The following NIPAL3 variants were observed in gnomAD, a reference collection of about 807,000 sequenced individuals.
NIPAL3 encodes the protein NIPA like domain containing 3.
Under a neutral mutation model 47.2 loss-of-function variants are expected in NIPAL3, and 41 were observed. The ratio of observed to expected loss-of-function variants is 0.87; its 90% CI spans 0.68 to 1.13. The LOEUF (loss-of-function observed/expected upper bound fraction) is 1.13, where lower values mean the gene tolerates loss of function less well. Among genes scored for constraint, NIPAL3 ranks in the 50% most tolerant of loss-of-function variants. The pLI is 0.00. For missense variants in NIPAL3, 449 were observed against 530.1 expected, an observed-to-expected ratio of 0.85 and a Z score of 1.50; for synonymous variants, 194 against 209.6, an observed-to-expected ratio of 0.93 and a Z score of 0.64.
intron 8 of NIPAL3, chr1:24,457,726 C>T (rs768863668): frequency 1.9e-6 from 1 of 533,014 alleles, no homozygotes; most frequent in South Asian, 1.4e-5. Context: ...CTTCTGTCGC[C>T]TACTCAGCTT....
rs753521923 is a variant in NIPAL3, at chr1:24,453,545, G to A, written c.637+41G>A. 48 of 1,484,656 alleles carry A rather than the reference G, an allele frequency of 3.2e-5. No homozygotes were observed. In the African/African-American group the frequency reaches 6.1e-4, roughly 19 times the overall value. The allele number at this position is 1,484,656 out of a possible 1,614,324, so 92.0% of individuals were successfully genotyped here. On this transcript the variant is annotated intron_variant, in intron 7 of 11. Coordinates refer to ENST00000374399, the MANE Select transcript of NIPAL3 (RefSeq NM_020448.5). ...GATGATTGAGTTTTGCCACCACCAA[G>A]AAGCACCAAATGGAAATGTGGGTTT...
At chr1:24,441,946 C>G (rs1234124483) in intron 3 of NIPAL3, 109 bp from the exon 4 acceptor site, 2 of 1,138,134 alleles carry the variant, frequency 1.8e-6, no homozygotes, top group African/African-American at 3.1e-5. Context: ...AAGAACCTGA[C>G]AAGTCTTCCC....
chr1:24,437,505 G>A (rs1217926407), intron 2 of NIPAL3, among the ~76,000 whole-genome samples: 1 of 152,170 alleles, frequency 6.6e-6, no homozygotes, highest in Non-Finnish European at 1.5e-5. Flanking sequence ...ACAAAGTGCT[G>A]ATTCTGTTGA....
At chr1:24,452,446 A>C (rs571418367) in intron 6 of NIPAL3, among the ~76,000 whole-genome samples, 16 of 152,182 alleles carry the variant, frequency 1.1e-4, no homozygotes, top group Non-Finnish European at 1.8e-4. Context: ...AAATGCTTAG[A>C]ACACTGCCTG....
intron 4 of NIPAL3, among the ~76,000 whole-genome samples, chr1:24,443,634 T>C (rs892760065): frequency 1.3e-5 from 2 of 152,246 alleles, no homozygotes; most frequent in Non-Finnish European, 2.9e-5. Flanking sequence ...CTTTCCCTGA[T>C]CCTGTTATAA....
At chr1:24,453,250 C>T (rs1646027114) in intron 6 of NIPAL3, among the ~76,000 whole-genome samples, 158 bp from the exon 7 acceptor site, 1 of 152,122 alleles carries the variant, frequency 6.6e-6, no homozygotes, top group African/African-American at 2.4e-5. Context: ...TTTCCCTTTT[C>T]CCCTGAACGT....
intron 2 of NIPAL3, among the ~76,000 whole-genome samples, chr1:24,435,257 A>T (rs1432672000): frequency 6.6e-6 from 1 of 152,254 alleles, no homozygotes; most frequent in Admixed American, 6.5e-5. Flanking sequence ...ATAAAAATTA[A>T]CTCAAAATGG....
intron 10 of NIPAL3, among the ~76,000 whole-genome samples, chr1:24,462,090 C>T (rs1237554218): frequency 5.3e-5 from 8 of 152,164 alleles, no homozygotes; most frequent in East Asian, 1.9e-4. Flanking sequence ...GAAGCAAACA[C>T]GTCCTTCTTC....
intron 2 of NIPAL3, among the ~76,000 whole-genome samples, chr1:24,434,917 A>G (rs1254417070): frequency 1.3e-5 from 2 of 152,226 alleles, no homozygotes; most frequent in Non-Finnish European, 2.9e-5. Context: ...CCTAAAATCC[A>G]TATGGAAGTC....
At chr1:24,441,941 C>A in intron 3 of NIPAL3, 114 bp from the exon 4 acceptor site, 1 of 1,069,150 alleles carries the variant, frequency 9.4e-7, no homozygotes, top group Non-Finnish European at 1.4e-6. Flanking sequence ...TCCACAAGAA[C>A]CTGACAAGTC....
At chr1:24,456,001 C>T (rs1439025751) in intron 7 of NIPAL3, 137 bp from the exon 8 acceptor site, 11 of 1,026,242 alleles carry the variant, frequency 1.1e-5, no homozygotes, top group Non-Finnish European at 7.3e-6. Flanking sequence ...TGTCACTGTG[C>T]AAACTGCCGG....
chr1:24,431,394 A>G (rs866964509), intron 2 of NIPAL3, among the ~76,000 whole-genome samples: 13 of 152,314 alleles, frequency 8.5e-5, no homozygotes, highest in Middle Eastern at 3.4e-3. Context: ...CTGGCAAAGA[A>G]CATGGAAGGA....
rs1356399591 is a variant in NIPAL3, at chr1:24,469,939, G to C, written c.*754G>C. ...GGGTGATGATGCTTTAGCCCATTAA[G>C]GAAGAAAAGTTCCCCTTACTCTTAC... is the stretch of plus-strand genomic sequence containing the variant. On this transcript the variant is annotated 3_prime_UTR_variant, in exon 12 of 12. Transcript: ENST00000374399. 6.6e-6 allele frequency: 1 copy of C among 152,160 alleles called. No individual in the cohort carries two copies. The highest frequency in any genetic ancestry group is 6.5e-5 in the Admixed American group (1 of 15,276). The allele number at this position is 152,160 out of a possible 1,614,324, so 9.4% of individuals were successfully genotyped here.
intron 2 of NIPAL3, among the ~76,000 whole-genome samples, chr1:24,437,478 G>A (rs904547713): frequency 2.6e-5 from 4 of 152,140 alleles, no homozygotes; most frequent in African/African-American, 9.7e-5. Flanking sequence ...TAATAAACAT[G>A]TCCCAAAATG....
chr1:24,467,330 C>T (rs1432087990), intron 11 of NIPAL3, among the ~76,000 whole-genome samples: 2 of 151,128 alleles, frequency 1.3e-5, no homozygotes, highest in South Asian at 2.1e-4. Context: ...ATTAGCTGTG[C>T]GTGGTGGCGG....
At chr1:24,434,296 A>G (rs1158269823) in intron 2 of NIPAL3, among the ~76,000 whole-genome samples, 3 of 152,198 alleles carry the variant, frequency 2.0e-5, no homozygotes, top group Admixed American at 1.3e-4. Flanking sequence ...TGGAGTAACT[A>G]TACTAATATT....
intron 2 of NIPAL3, among the ~76,000 whole-genome samples, chr1:24,429,550 T>G (rs576358018): frequency 2.0e-5 from 3 of 152,346 alleles, no homozygotes; most frequent in African/African-American, 7.2e-5. Context: ...TCACAGAATT[T>G]TATTCCAAAA....
chr1:24,445,750 T>G (rs1464923864), intron 5 of NIPAL3, among the ~76,000 whole-genome samples: 1 of 152,100 alleles, frequency 6.6e-6, no homozygotes, highest in Non-Finnish European at 1.5e-5. Context: ...CAAGAAACAC[T>G]TGGGTTTACA....
At chr1:24,417,185 C>T (rs1327015461) in intron 1 of NIPAL3, among the ~76,000 whole-genome samples, 2 of 152,150 alleles carry the variant, frequency 1.3e-5, no homozygotes, top group East Asian at 3.8e-4. Flanking sequence ...ATACAAGTCA[C>T]TGTCAGGCTC....
Sources: allele counts gnomAD v4.1 joint callset (sites outside exome capture counted in the v4.1 genomes callset), GRCh38; gene constraint gnomAD v4.1.1; transcripts MANE v1.5; gene names NCBI Gene and HGNC (gene_info 2026-07-23, HGNC 2026-07-21).